CLOCK: variants seen among roughly 807,000 people sequenced by gnomAD.
The protein encoded by CLOCK is clock circadian regulator, also known as circadian locomoter output cycles protein kaput.
In CLOCK, 43 loss-of-function variants were observed where a neutral mutation model predicts 118.4. The ratio of observed to expected loss-of-function variants is 0.36; its 90% CI spans 0.28 to 0.47. The LOEUF (loss-of-function observed/expected upper bound fraction) is 0.47. Among genes scored for constraint, CLOCK ranks in the 20% least tolerant of loss-of-function variants. CLOCK has a pLI of 1.00. For missense variants in CLOCK, 846 were observed against 999.9 expected (o/e 0.85, Z 2.08); for synonymous variants, 326 against 339.2 (o/e 0.96, Z 0.43).
At chr4:55,459,538 A>C (rs938540798) in intron 9 of CLOCK, among the ~76,000 whole-genome samples, 2 of 152,194 alleles carry the variant, frequency 1.3e-5, no homozygotes, top group African/African-American at 4.8e-5. Context: ...TTTCAAAGGA[A>C]AGTTTTGCTT....
rs1723565312 is a variant in CLOCK at position 55,443,787 on chromosome 4, A to G, written c.1802T>C (p.Val601Ala). The change falls in exon 20 of 23, where the codon GTT becomes GCT. Residue 601 changes from valine to alanine, a missense_variant. Val to Ala is a moderately conservative substitution (Grantham distance 64). Coordinates refer to ENST00000513440, the MANE Select transcript of CLOCK (RefSeq NM_004898.4). ...ACTTTGAATCTGGTTAGTAGGAACA[A>G]CTTGGCCTTGCATATTTATAGGTGC... is the stretch of plus-strand genomic sequence containing the variant. ...QLAPINMQGQ[V>A]VPTNQIQSGM... is the part of the protein sequence containing the mutation. 1.2e-6 allele frequency: 2 copies of G among 1,613,984 alleles called. No homozygotes were observed. The highest frequency in any genetic ancestry group is 1.3e-5 in the African/African-American group (1 of 74,920).
At chr4:55,533,900 C>T (rs534962390) in intron 1 of CLOCK, among the ~76,000 whole-genome samples, 1 of 152,200 alleles carries the variant, frequency 6.6e-6, no homozygotes, top group South Asian at 2.1e-4. Flanking sequence ...GAGACTCCAT[C>T]TCAAAAAAAT....
chr4:55,442,647 A>G lies in CLOCK; in HGVS notation c.1903-13T>C. 6.2e-7 allele frequency: 1 copy of G among 1,603,462 alleles called. No individual in the cohort carries two copies. The highest frequency in any genetic ancestry group is 8.5e-7 in the Non-Finnish European group (1 of 1,171,050). On this transcript the variant is annotated splice_polypyrimidine_tract_variant and intron_variant, in intron 20 of 22. Coordinates refer to ENST00000513440, the MANE Select transcript of CLOCK (RefSeq NM_004898.4). ...CATTTTGTTGACTCTGTTAAAAATAAAGAGATTTTATAGACAGATTAACTG... is the reference window on the plus strand; with the variant it reads ...CATTTTGTTGACTCTGTTAAAAATAGAGAGATTTTATAGACAGATTAACTG...
Position 55,433,000 on chromosome 4 carries a change from T to C in CLOCK, c.*2415A>G, listed in dbSNP as rs1217979358. On this transcript the variant is annotated 3_prime_UTR_variant, in exon 23 of 23. Coordinates refer to ENST00000513440, the MANE Select transcript of CLOCK (RefSeq NM_004898.4). ...TTCACCATCTTTTAAGTGTGGTATG[T>C]AGAGGACAGGCCTCAATATAATAGT... 1.3e-5 allele frequency: 2 copies of C among 152,608 alleles called. No homozygotes were observed. The highest frequency in any genetic ancestry group is 2.9e-5 in the Non-Finnish European group (2 of 68,050). 9.5% of individuals were successfully genotyped at this position (152,608 alleles called of 1,614,324 possible).
intron 2 of CLOCK, among the ~76,000 whole-genome samples, chr4:55,489,997 T>A (rs1477387267): frequency 6.6e-6 from 1 of 151,746 alleles, no homozygotes; most frequent in African/African-American, 2.4e-5. Flanking sequence ...ACAACAGCAC[T>A]ACAAGAAAGA....
At chr4:55,471,340 A>G (rs894263162) in intron 7 of CLOCK, among the ~76,000 whole-genome samples, 2 of 152,216 alleles carry the variant, frequency 1.3e-5, no homozygotes, top group Non-Finnish European at 2.9e-5. Context: ...AGGTTAAGAC[A>G]TAAGAATTTT....
intron 2 of CLOCK, among the ~76,000 whole-genome samples, chr4:55,494,694 G>A (rs1237338749): frequency 6.6e-6 from 1 of 152,074 alleles, no homozygotes; most frequent in Non-Finnish European, 1.5e-5. Flanking sequence ...AACACCCCCT[G>A]TTCCCCAAAA....
chr4:55,499,209 G>A (rs1309065883), intron 2 of CLOCK, among the ~76,000 whole-genome samples: 2 of 152,056 alleles, frequency 1.3e-5, no homozygotes, highest in African/African-American at 4.8e-5. Flanking sequence ...AAAATGGTCA[G>A]ATTTTACTGT....
intron 13 of CLOCK, among the ~76,000 whole-genome samples, chr4:55,454,362 C>A (rs144578614): frequency 6.4e-4 from 98 of 152,108 alleles, no homozygotes; most frequent in African/African-American, 2.3e-3. Context: ...CGCCTGTAAT[C>A]TCAGTACTTT....
At chr4:55,502,347 A>G (rs774906055) in intron 2 of CLOCK, among the ~76,000 whole-genome samples, 12 of 152,158 alleles carry the variant, frequency 7.9e-5, no homozygotes, top group Non-Finnish European at 1.8e-4. Flanking sequence ...AGTAATTAAA[A>G]GAGTATGGCA....
rs540885783 is a variant in CLOCK at position 55,429,019 on chromosome 4, T to C, written c.*6396A>G. 5.9e-5 allele frequency: 9 copies of C among 151,850 alleles called. No homozygotes were observed. In the South Asian group the frequency reaches 1.9e-3, roughly 32 times the overall value. 9.4% of individuals were successfully genotyped at this position (151,850 alleles called of 1,614,324 possible). On this transcript the variant is annotated 3_prime_UTR_variant, in exon 23 of 23. Coordinates refer to ENST00000513440, the MANE Select transcript of CLOCK (RefSeq NM_004898.4). ...TAAAAAGACATTTCCTGGCCAATTT[T>C]TTTGCTTGAAGATGATTGTCTGGTT...
At chr4:55,496,188 C>CA (rs997581611) in intron 2 of CLOCK, among the ~76,000 whole-genome samples, 111 of 139,120 alleles carry the variant, frequency 8.0e-4, no homozygotes, top group South Asian at 4.2e-3. Context: ...GAGGTCGTCT[C>CA]AAAAAAAAAA....
At chr4:55,523,276 G>T (rs567301627) in intron 1 of CLOCK, among the ~76,000 whole-genome samples, 16 of 152,228 alleles carry the variant, frequency 1.1e-4, no homozygotes, top group East Asian at 1.9e-4. Flanking sequence ...TCCAGCCTGG[G>T]AGACAGACCC....
chr4:55,506,277 G>A (rs75154521), intron 2 of CLOCK, among the ~76,000 whole-genome samples: 5,129 of 151,990 alleles, frequency 0.034, 105 homozygotes, highest in Non-Finnish European at 0.054. Flanking sequence ...TGAACTCCTA[G>A]GTTCAAATGA....
chr4:55,546,627 A>ACCCC (rs1731656511), intron 1 of CLOCK, 155 bp downstream of exon 1: 1 of 35,366 alleles, frequency 2.8e-5, no homozygotes, highest in Non-Finnish European at 5.7e-5. Context: ...GGCGCCCCCC[A>ACCCC]CCCACCCCCC....
At chr4:55,511,337 A>G (rs976281925) in intron 1 of CLOCK, among the ~76,000 whole-genome samples, 1 of 152,104 alleles carries the variant, frequency 6.6e-6, no homozygotes, top group African/African-American at 2.4e-5. Flanking sequence ...TCTTGTACTG[A>G]CAACAAGAAA....
Position 55,435,036 on chromosome 4 carries a change from C to T in CLOCK, c.*379G>A. 3.2e-6 allele frequency: 1 copy of T among 317,438 alleles called. No homozygotes were observed. Among genetic ancestry groups the T allele is most frequent in the East Asian group, 7.9e-5 (1 of 12,658 alleles). The allele number at this position is 317,438 out of a possible 1,614,324, so 19.7% of individuals were successfully genotyped here. ...CCCTGACATGGCAGTGGTATGTCCTCTGTAACACTTGATAAGAGGCACAGA... is the reference window on the plus strand; with the variant it reads ...CCCTGACATGGCAGTGGTATGTCCTTTGTAACACTTGATAAGAGGCACAGA... On this transcript the variant is annotated 3_prime_UTR_variant, in exon 23 of 23. Coordinates refer to ENST00000513440, the MANE Select transcript of CLOCK (RefSeq NM_004898.4).
At chr4:55,453,204 GTGT>G in intron 14 of CLOCK, 75 bp from the exon 15 acceptor site, 1 of 1,141,628 alleles carries the variant, frequency 8.8e-7, no homozygotes, top group Non-Finnish European at 1.3e-6. Context: ...TAACTATTCA[GTGT>G]TGTTACGTGT....
At chr4:55,454,719 G>T (rs1724786181) in intron 13 of CLOCK, among the ~76,000 whole-genome samples, 1 of 151,316 alleles carries the variant, frequency 6.6e-6, no homozygotes, top group Non-Finnish European at 1.5e-5. Flanking sequence ...GTATGCTAAT[G>T]CATGTGCAGA....
Sources: allele counts gnomAD v4.1 joint callset (sites outside exome capture counted in the v4.1 genomes callset), GRCh38; gene constraint gnomAD v4.1.1; transcripts MANE v1.5; gene names NCBI Gene and HGNC (gene_info 2026-07-23, HGNC 2026-07-21).